HADH: variants seen among roughly 807,000 people sequenced by gnomAD.
HADH encodes the protein hydroxyacyl-CoA dehydrogenase, also known as hydroxyacyl-coenzyme A dehydrogenase, mitochondrial.
A neutral mutation model predicts 32.2 loss-of-function variants in HADH; 24 were observed. The observed-to-expected ratio is 0.75, with a 90% CI of 0.54 to 1.05. HADH has a LOEUF of 1.05. HADH is among the 50% of genes least tolerant of loss of function. The pLI, the probability that HADH is intolerant of heterozygous loss-of-function variation, is 0.00. For synonymous variants in HADH, 139 were observed against 152.5 expected, an observed-to-expected ratio of 0.91 and a Z score of 0.65; for missense variants, 350 against 397.1, an observed-to-expected ratio of 0.88 and a Z score of 1.01.
At chr4:108,022,167 A>ATGTGTGTGTGTGTG (rs60633286) in intron 4 of HADH, among the ~76,000 whole-genome samples, 28 of 125,012 alleles carry the variant, frequency 2.2e-4, no homozygotes, top group African/African-American at 7.4e-4. Flanking sequence ...ACATATATAT[A>ATGTGTGTGTGTGTG]TGTGTGTGTG....
At position 108,014,700 on chromosome 4, in the gene HADH, T is replaced by A. The variant is rs940606278; in HGVS notation, c.419+112T>A. The A allele has an allele frequency of 4.3e-6, 4 of 937,222 alleles. No individual in the cohort carries two copies. The East Asian group carries it at 1.0e-4, about 24-fold the overall frequency. The allele number at this position is 937,222 out of a possible 1,614,324, so 58.1% of individuals were successfully genotyped here. On this transcript the variant is annotated intron_variant, in intron 3 of 7. Transcript: ENST00000309522. ...TGAGTACAAGTGCAGTTTTGTTCCA[T>A]GCCTATATTGTGTAGTGGTGAAGTC...
chr4:108,020,296 C>T (rs1351246013), intron 4 of HADH, among the ~76,000 whole-genome samples: 3 of 151,994 alleles, frequency 2.0e-5, no homozygotes, highest in Admixed American at 6.5e-5. Flanking sequence ...CATGGCAAGA[C>T]CCCATTTCTA....
intron 3 of HADH, among the ~76,000 whole-genome samples, chr4:108,018,764 T>TA (rs1283388180): frequency 6.6e-6 from 1 of 152,212 alleles, no homozygotes; most frequent in Non-Finnish European, 1.5e-5. Context: ...TGTATGTTTT[T>TA]ATCCGCAAGG....
chr4:108,009,612 T>C (rs1411638038), intron 1 of HADH, 147 bp from the exon 2 acceptor site: 1 of 709,286 alleles, frequency 1.4e-6, no homozygotes, highest in Non-Finnish European at 2.6e-6. Flanking sequence ...AATGTTGACT[T>C]ATCATATGTT....
intron 2 of HADH, among the ~76,000 whole-genome samples, chr4:108,013,763 T>C (rs1478154797): frequency 1.3e-5 from 2 of 152,136 alleles, no homozygotes; most frequent in African/African-American, 4.8e-5. Context: ...ATTGAGTACC[T>C]GTTAAAGTGA....
chr4:108,004,080 C>T (rs894487378), intron 1 of HADH, among the ~76,000 whole-genome samples: 1 of 152,186 alleles, frequency 6.6e-6, no homozygotes, highest in African/African-American at 2.4e-5. Context: ...TCAAGAAAGG[C>T]ATGTGAGCAG....
intron 1 of HADH, chr4:108,005,107 A>T (rs1364543699): frequency 2.3e-6 from 1 of 436,238 alleles, no homozygotes; most frequent in Non-Finnish European, 4.1e-6. Context: ...CTTTCTTAAT[A>T]TTTGATCTTA....
intron 2 of HADH, among the ~76,000 whole-genome samples, chr4:108,013,657 A>G (rs1263236215): frequency 6.6e-6 from 1 of 152,182 alleles, no homozygotes; most frequent in African/African-American, 2.4e-5. Context: ...AAATGTGGCT[A>G]GTCTAGATAG....
chr4:108,023,469 T>C lies in HADH; in HGVS notation c.547-5T>C. 6.3e-7 allele frequency: 1 copy of C among 1,581,414 alleles called. No individual in the cohort carries two copies. Among genetic ancestry groups the C allele is most frequent in the Non-Finnish European group, 8.7e-7 (1 of 1,150,066 alleles). On this transcript the variant is annotated splice_polypyrimidine_tract_variant and splice_region_variant and intron_variant, in intron 4 of 7. Transcript: ENST00000309522. ...TGGTCATAATTCTCTGCTTTGCATT[T>C]CCAGGTCATTAAAACACCAATGACC...
intron 6 of HADH, chr4:108,028,749 CT>C (rs34805128): frequency 0.23 from 78,616 of 335,480 alleles, 3 homozygotes; most frequent in East Asian, 0.32. Context: ...AGTTGTATGT[CT>C]TTTTTTTTTT....
chr4:108,022,113 A>T (rs994954558), intron 4 of HADH, among the ~76,000 whole-genome samples: 2 of 151,162 alleles, frequency 1.3e-5, no homozygotes, highest in Admixed American at 6.6e-5. Flanking sequence ...TCTAAAGTAA[A>T]CCCTTTGACT....
chr4:108,019,508 T>G, intron 3 of HADH, 32 bp from the exon 4 acceptor site: 1 of 1,606,068 alleles, frequency 6.2e-7, no homozygotes, highest in Non-Finnish European at 8.5e-7. Context: ...AGAGATTCAC[T>G]CTGATACTCC....
rs1259750137 is a variant in HADH, at chr4:108,008,173, A to G, written c.133-1586A>G. On this transcript the variant is annotated intron_variant, in intron 1 of 7. Transcript: ENST00000309522. ...GGTTTTGCTTTTGGGACGTTGTTTT[A>G]CTTTGCTGCCTGCCCGCAGCCTGTG... Among the ~76,000 whole-genome samples, 3 of 152,130 alleles carry G rather than the reference A, an allele frequency of 2.0e-5. No individual in the cohort carries two copies. The South Asian group carries it at 6.2e-4, about 32-fold the overall frequency.
At chr4:108,004,438 T>C (rs773790894) in intron 1 of HADH, 119 of 336,266 alleles carry the variant, frequency 3.5e-4, no homozygotes, top group Non-Finnish European at 6.1e-4. Flanking sequence ...CCTCTGCATT[T>C]TTTTACCCAA....
chr4:108,014,584 G>A lies in HADH; in HGVS notation c.415G>A (p.Ala139Thr). 3.1e-6 allele frequency: 5 copies of A among 1,612,184 alleles called. No homozygotes were observed. The highest frequency in any genetic ancestry group is 4.2e-6 in the Non-Finnish European group (5 of 1,178,496). Residue 139 changes from alanine (A) to threonine (T), a missense_variant, in exon 3 of 8, where the codon GCT becomes ACT. Coordinates refer to ENST00000309522, the MANE Select transcript of HADH (RefSeq NM_005327.7). The stretch of plus-strand genomic sequence containing the variant: ...CTTCAAAAGGCTGGACAAGTTTGCT[G>A]CTGAGTATGTAACCTCTGGACAATC... ...ELFKRLDKFA[A>T]EHTIFASNTS... is the part of the protein sequence containing the mutation.
chr4:108,008,065 C>G (rs1258989797), intron 1 of HADH, among the ~76,000 whole-genome samples: 1 of 152,186 alleles, frequency 6.6e-6, no homozygotes, highest in South Asian at 2.1e-4. Flanking sequence ...TAAATTGTGA[C>G]CTGCATCACT....
intron 7 of HADH, 69 bp from the exon 8 acceptor site, chr4:108,034,170 C>T: frequency 9.1e-7 from 1 of 1,094,910 alleles, no homozygotes; most frequent in Non-Finnish European, 1.4e-6. Context: ...CAGACTTGTC[C>T]TTGGAAATGC....
In HADH at chr4:108,014,480, C is replaced by T. The variant is rs370013373; in HGVS notation, c.311C>T (p.Thr104Met). 57 of 1,613,968 alleles carry T rather than the reference C, an allele frequency of 3.5e-5. No homozygotes were observed. Among genetic ancestry groups the T allele is most frequent in the Non-Finnish European group, 4.1e-5 (48 of 1,179,978 alleles). ...ACCCTGAGCACCATAGCGACCAGCA[C>T]GGATGCAGCCTCCGTTGTCCACAGC... Reference protein sequence around the residue: ...EKTLSTIATSTDAASVVHSTD... With the variant: ...EKTLSTIATSMDAASVVHSTD... The change falls in exon 3 of 8, where the codon ACG (threonine) becomes ATG (methionine). Residue 104 changes from threonine (T) to methionine (M), a missense_variant. By Grantham distance (81) the Thr-to-Met change is moderately conservative. Coordinates refer to ENST00000309522, the MANE Select transcript of HADH (RefSeq NM_005327.7).
chr4:107,992,170 G>GAA (rs1734835596), intron 1 of HADH, among the ~76,000 whole-genome samples: 1 of 152,164 alleles, frequency 6.6e-6, no homozygotes, highest in African/African-American at 2.4e-5. Flanking sequence ...TAAATAGGTG[G>GAA]ACCAGGGAGT....
Sources: gnomAD v4.1 joint callset for allele counts (sites outside exome capture counted in the v4.1 genomes callset) on GRCh38, gnomAD v4.1.1 for gene constraint, MANE v1.5 for transcripts, NCBI Gene and HGNC (gene_info 2026-07-23, HGNC 2026-07-21) for gene names.